CNTNAP3B: variants seen among roughly 807,000 people sequenced by gnomAD.
The protein encoded by CNTNAP3B is contactin associated protein family member 3B, also known as contactin-associated protein-like 3B.
Under a neutral mutation model 108.9 loss-of-function variants are expected in CNTNAP3B, and 25 were observed. The ratio of observed to expected loss-of-function variants is 0.23; its 90% confidence interval spans 0.17 to 0.32. CNTNAP3B has a LOEUF of 0.32. Among genes scored for constraint, CNTNAP3B ranks in the 10% least tolerant of loss-of-function variants. The pLI, the probability that CNTNAP3B is intolerant of heterozygous loss-of-function variation, is 1.00. For missense variants in CNTNAP3B, 252 were observed against 1,210.4 expected (o/e 0.21, Z 11.75); for synonymous variants, 103 against 473.4 (o/e 0.22, Z 10.16).
rs189500486 is a variant in CNTNAP3B at position 42,105,793 on chromosome 9, T to A, written c.86-1054A>T. Among the ~76,000 whole-genome samples, 756 of 96,110 alleles carry A rather than the reference T, an allele frequency of 7.9e-3. 93 individuals carry two copies. Among genetic ancestry groups the A allele is most frequent in the Non-Finnish European group, 5.9e-3 (273 of 46,014 alleles). 63.1% of individuals were successfully genotyped at this position (96,110 alleles called of 152,430 possible). A position where few individuals can be genotyped will look rare whatever the true frequency, so the allele number is the denominator to read the frequency against. ...AAGGGTACCTCTTCCAGCATGGTTA[T>A]TGATCTAATAATGTTACACATAAGT... On this transcript the variant is annotated intron_variant, in intron 1 of 23. Coordinates refer to ENST00000377561, the MANE Select transcript of CNTNAP3B (RefSeq NM_001201380.3).
In CNTNAP3B at chr9:42,066,496, G is replaced by T. The variant is rs1269733574; in HGVS notation, c.390+10373C>A. 8.3e-5 allele frequency among the ~76,000 whole-genome samples: 9 copies of T among 108,418 alleles called. 2 individuals are homozygous for T. The highest frequency in any genetic ancestry group is 1.3e-4 in the Non-Finnish European group (7 of 54,198). 71.1% of individuals were successfully genotyped at this position (108,418 alleles called of 152,430 possible). On this transcript the variant is annotated intron_variant, in intron 3 of 23. Coordinates refer to ENST00000377561, the MANE Select transcript of CNTNAP3B (RefSeq NM_001201380.3). ...GGTTAGAGAGCAGTGGCATGATCTC[G>T]GCTCACCACAACCTCTGCCTCCCGG...
intron 1 of CNTNAP3B, among the ~76,000 whole-genome samples, chr9:42,111,637 T>C (rs1828194872): frequency 7.2e-6 from 1 of 138,964 alleles, no homozygotes; most frequent in Admixed American, 7.2e-5. Flanking sequence ...GTTCCCTTTA[T>C]TGTTCAAGCC....
At chr9:42,099,378 C>T (rs1405553384) in intron 2 of CNTNAP3B, among the ~76,000 whole-genome samples, 6 of 132,446 alleles carry the variant, frequency 4.5e-5, no homozygotes, top group Admixed American at 2.3e-4. Flanking sequence ...AAGAAAGTTT[C>T]GAATGTTGAT....
At chr9:42,028,640 G>A (rs532213296) in intron 3 of CNTNAP3B, among the ~76,000 whole-genome samples, 1 of 148,850 alleles carries the variant, frequency 6.7e-6, no homozygotes, top group South Asian at 2.1e-4. Context: ...AATCCAGAAA[G>A]AGTGAATGAT....
intron 16 of CNTNAP3B, among the ~76,000 whole-genome samples, chr9:41,923,318 AAT>A (rs1823719205): frequency 6.6e-6 from 1 of 150,398 alleles, no homozygotes; most frequent in Admixed American, 6.6e-5. Context: ...CATAAAAAAC[AAT>A]ATGTCTGGTC....
At chr9:42,125,514 G>A (rs1176021445) in intron 1 of CNTNAP3B, among the ~76,000 whole-genome samples, 2 of 140,286 alleles carry the variant, frequency 1.4e-5, no homozygotes, top group African/African-American at 2.8e-5. Flanking sequence ...GAAAGGAAGA[G>A]GAAGAAGAAT....
rs1011263141 is a variant in CNTNAP3B at position 42,121,901 on chromosome 9, C to T, written c.85+7109G>A. Among the ~76,000 whole-genome samples, 34 of 140,278 alleles carry T rather than the reference C, an allele frequency of 2.4e-4. 5 individuals carry two copies. The highest frequency in any genetic ancestry group is 7.7e-5 in the Non-Finnish European group (5 of 65,214). 92.0% of individuals were successfully genotyped at this position (140,278 alleles called of 152,430 possible). A position where few individuals can be genotyped will look rare whatever the true frequency, so the allele number is the denominator to read the frequency against. ...TTTGTTTCATGGTTGCGGCAGAAGA[C>T]TCCTGGGTCAAAGCAAAGGACTGTA... On this transcript the variant is annotated intron_variant, in intron 1 of 23. Coordinates refer to ENST00000377561, the MANE Select transcript of CNTNAP3B (RefSeq NM_001201380.3).
chr9:42,118,047 CAA>C (rs1160683977), intron 1 of CNTNAP3B, among the ~76,000 whole-genome samples: 1 of 130,410 alleles, frequency 7.7e-6, no homozygotes, highest in Non-Finnish European at 1.6e-5. Context: ...GCTTAACAAC[CAA>C]AAAAAGTCCA....
At chr9:41,913,262 TAGAC>T (rs1198967304) in intron 18 of CNTNAP3B, among the ~76,000 whole-genome samples, 4 of 134,006 alleles carry the variant, frequency 3.0e-5, no homozygotes, top group Non-Finnish European at 4.8e-5. Flanking sequence ...TGTATGTCCT[TAGAC>T]AGCATATAGT....
chr9:42,088,777 A>G (rs1790468059), intron 2 of CNTNAP3B, among the ~76,000 whole-genome samples: 2 of 138,006 alleles, frequency 1.4e-5, no homozygotes, highest in Admixed American at 1.5e-4. Context: ...CTCAGGCAAA[A>G]TATTTTCTGT....
At chr9:41,917,338 G>A (rs1823542413) in intron 18 of CNTNAP3B, among the ~76,000 whole-genome samples, 1 of 141,074 alleles carries the variant, frequency 7.1e-6, no homozygotes, top group African/African-American at 2.8e-5. Flanking sequence ...CTCTCTTAGA[G>A]TTATCAACAT....
chr9:41,955,703 TC>T (rs1472618290), intron 12 of CNTNAP3B, among the ~76,000 whole-genome samples: 2 of 152,306 alleles, frequency 1.3e-5, no homozygotes, highest in African/African-American at 2.4e-5. Flanking sequence ...TGTGGCTGAG[TC>T]AGAACACACT....
intron 1 of CNTNAP3B, among the ~76,000 whole-genome samples, chr9:42,115,960 T>C (rs1487048603): frequency 7.4e-6 from 1 of 134,944 alleles, no homozygotes; most frequent in African/African-American, 3.0e-5. Context: ...GCAAAGAAGC[T>C]AAAAACCTTG....
At position 41,926,025 on chromosome 9, in the gene CNTNAP3B, C is replaced by G. The variant is rs1245298990; in HGVS notation, c.2366-1932G>C. Among the ~76,000 whole-genome samples, 27 of 152,406 alleles carry G rather than the reference C, an allele frequency of 1.8e-4. No homozygotes were observed. The South Asian group carries it at 5.0e-3, about 28-fold the overall frequency. ...TATGTGTATTTGTATCTCTCTCTCTCTCTCTCACACACACATACACACACG... is the reference window on the plus strand; with the variant it reads ...TATGTGTATTTGTATCTCTCTCTCTGTCTCTCACACACACATACACACACG... On this transcript the variant is annotated intron_variant, in intron 15 of 23. Coordinates refer to ENST00000377561, the MANE Select transcript of CNTNAP3B (RefSeq NM_001201380.3).
intron 15 of CNTNAP3B, among the ~76,000 whole-genome samples, chr9:41,927,403 C>T (rs1396628651): frequency 0.016 from 2,023 of 123,980 alleles, 1 homozygote; most frequent in African/African-American, 0.06. Context: ...AAAAAGAAGA[C>T]AGGAAAGAAA....
At chr9:42,087,098 A>G (rs1827719322) in intron 2 of CNTNAP3B, among the ~76,000 whole-genome samples, 1 of 141,498 alleles carries the variant, frequency 7.1e-6, no homozygotes, top group East Asian at 2.1e-4. Flanking sequence ...TCTTTTCTTA[A>G]TTTGATAATC....
At chr9:42,067,576 G>A (rs1226887505) in intron 3 of CNTNAP3B, among the ~76,000 whole-genome samples, 3 of 152,002 alleles carry the variant, frequency 2.0e-5, no homozygotes, top group Non-Finnish European at 4.4e-5. Context: ...CTAGAACTTT[G>A]AGGAGTTAAA....
At chr9:42,054,729 T>A (rs1827025833) in intron 3 of CNTNAP3B, among the ~76,000 whole-genome samples, 2 of 151,674 alleles carry the variant, frequency 1.3e-5, no homozygotes, top group East Asian at 3.9e-4. Context: ...ACAACTAGAA[T>A]TTGAAGGCTA....
At chr9:41,933,779 T>G (rs1824053082) in intron 14 of CNTNAP3B, among the ~76,000 whole-genome samples, 1 of 152,282 alleles carries the variant, frequency 6.6e-6, no homozygotes, top group Non-Finnish European at 1.5e-5. Context: ...TCTTGTGTCT[T>G]TAACTGACAC....
Sources: allele counts gnomAD v4.1 joint callset (sites outside exome capture counted in the v4.1 genomes callset), GRCh38; gene constraint gnomAD v4.1.1; transcripts MANE v1.5; gene names NCBI Gene and HGNC (gene_info 2026-07-23, HGNC 2026-07-21).